Variants in RBFOX1 observed in about 807,000 individuals in gnomAD.
RBFOX1 encodes RNA binding protein fox-1 homolog 1.
RBFOX1 carries 8 observed loss-of-function variants against 57.7 expected under a neutral mutation model. The observed-to-expected ratio is 0.14, with a 90% confidence interval of 0.08 to 0.25. The LOEUF (loss-of-function observed/expected upper bound fraction) is 0.25, where lower values mean the gene tolerates loss of function less well. Among genes scored for constraint, RBFOX1 ranks in the 10% least tolerant of loss-of-function variants. The pLI is 1.00. For missense variants in RBFOX1, 611 were observed against 548.5 expected, an observed-to-expected ratio of 1.11 and a Z score of -1.14; for synonymous variants, 326 against 222.4, an observed-to-expected ratio of 1.47 and a Z score of -4.15.
At chr16:7,079,976 T>C (rs1025596781) in intron 4 of RBFOX1, among the ~76,000 whole-genome samples, 2 of 148,096 alleles carry the variant, frequency 1.4e-5, no homozygotes, top group Non-Finnish European at 3.0e-5. Flanking sequence ...GCATTTAAAT[T>C]AGTTAAAATA....
intron 2 of RBFOX1, among the ~76,000 whole-genome samples, chr16:6,433,600 A>G (rs2153010206): frequency 6.6e-6 from 1 of 152,326 alleles, no homozygotes; most frequent in Non-Finnish European, 1.5e-5. Flanking sequence ...TGAACGTATT[A>G]TCCTCGGGTT....
intron 1 of RBFOX1, among the ~76,000 whole-genome samples, chr16:5,303,207 G>A (rs559758782): frequency 7.2e-5 from 11 of 152,266 alleles, no homozygotes; most frequent in African/African-American, 2.6e-4. Context: ...ATGCCTCACT[G>A]GTTTTATTAA....
At chr16:6,954,848 G>GGGC (rs1195423440) in intron 3 of RBFOX1, among the ~76,000 whole-genome samples, 7 of 152,026 alleles carry the variant, frequency 4.6e-5, no homozygotes, top group African/African-American at 1.7e-4. Flanking sequence ...TTATAACCTT[G>GGGC]GGCAAGTTGC....
chr16:7,340,727 C>T (rs1446858752), intron 4 of RBFOX1, among the ~76,000 whole-genome samples: 1 of 152,290 alleles, frequency 6.6e-6, no homozygotes, highest in East Asian at 1.9e-4. Flanking sequence ...ATGACGTAGA[C>T]CTCCCATCAT....
chr16:6,497,154 G>A (rs2095794436), intron 2 of RBFOX1, among the ~76,000 whole-genome samples: 5 of 152,160 alleles, frequency 3.3e-5, no homozygotes, highest in African/African-American at 9.7e-5. Flanking sequence ...CTAACATGGA[G>A]TGGACTGGGA....
chr16:5,243,654 C>G (rs1596288173), intron 1 of RBFOX1, among the ~76,000 whole-genome samples: 1 of 152,078 alleles, frequency 6.6e-6, no homozygotes, highest in Admixed American at 6.6e-5. Context: ...ATGAGCAAAA[C>G]CACCCCAGTT....
intron 1 of RBFOX1, among the ~76,000 whole-genome samples, chr16:6,036,359 G>A (rs535088329): frequency 3.3e-5 from 5 of 152,158 alleles, no homozygotes; most frequent in South Asian, 2.1e-4. Flanking sequence ...CTTTTAGGTG[G>A]CATCATAGAA....
chr16:6,776,003 C>G (rs1450224743), intron 3 of RBFOX1: 3 of 152,192 alleles, frequency 2.0e-5, no homozygotes, highest in African/African-American at 4.8e-5. Flanking sequence ...CCACAAATTT[C>G]TTTCCCAGGT....
At chr16:6,165,637 G>C (rs1042388508) in intron 1 of RBFOX1, among the ~76,000 whole-genome samples, 1 of 152,206 alleles carries the variant, frequency 6.6e-6, no homozygotes, top group African/African-American at 2.4e-5. Flanking sequence ...AAACAGTTCT[G>C]CCTGCTTCGT....
At position 7,340,742 on chromosome 16, in the gene RBFOX1, A is replaced by T. The variant is rs78222803; in HGVS notation, c.28-177405A>T. Among the ~76,000 whole-genome samples, 72 of 152,326 alleles carry T rather than the reference A, an allele frequency of 4.7e-4. No individual in the cohort carries two copies. In the East Asian group the frequency reaches 0.012, roughly 26 times the overall value. ...ATGACGTAGACCTCCCATCATTCCA[A>T]AGCACTCGAAGATGCTAGTGACTTG... is the stretch of plus-strand genomic sequence containing the variant. On this transcript the variant is annotated intron_variant, in intron 4 of 15. Coordinates refer to ENST00000550418, the MANE Select transcript of RBFOX1 (RefSeq NM_018723.4).
At chr16:5,969,591 G>T (rs1351274117) in intron 4 of RBFOX1, among the ~76,000 whole-genome samples, 1 of 151,190 alleles carries the variant, frequency 6.6e-6, no homozygotes, top group African/African-American at 2.4e-5. Context: ...CACAGTGCTG[G>T]GATTACAGGT....
chr16:7,308,645 C>G (rs908142218), intron 4 of RBFOX1, among the ~76,000 whole-genome samples: 4 of 152,176 alleles, frequency 2.6e-5, no homozygotes, highest in Admixed American at 1.3e-4. Context: ...GAAGCCATTG[C>G]TCACTGTGGA....
rs545705118 is a variant in RBFOX1, at chr16:7,273,204, CCCTTCCTTCCTT to C, written c.27+221154_27+221165del. Among the ~76,000 whole-genome samples, 240 of 35,170 alleles carry C rather than the reference CCCTTCCTTCCTT, an allele frequency of 6.8e-3. 5 individuals carry two copies. Among genetic ancestry groups the C allele is most frequent in the African/African-American group, 0.022 (164 of 7,576 alleles). The allele number at this position is 35,170 out of a possible 152,430, so 23.1% of individuals were successfully genotyped here. On this transcript the variant is annotated intron_variant, in intron 4 of 15. Transcript: ENST00000550418. ...TTCCTTCCTCCCTTCCTTCCTCCCT[CCCTTCCTTCCTT>C]CCTTCCTTCCTTCCTTCCTTCCTTC...
intron 1 of RBFOX1, among the ~76,000 whole-genome samples, chr16:6,157,053 C>T (rs916764029): frequency 6.6e-6 from 1 of 151,956 alleles, no homozygotes; most frequent in Non-Finnish European, 1.5e-5. Flanking sequence ...CTAGGCTGCT[C>T]TCTCACTCCT....
At chr16:6,722,807 C>A (rs1276301648) in intron 3 of RBFOX1, among the ~76,000 whole-genome samples, 2 of 152,134 alleles carry the variant, frequency 1.3e-5, no homozygotes, top group African/African-American at 4.8e-5. Flanking sequence ...ATCTCAGCGG[C>A]CAGATGGGTA....
chr16:5,339,328 A>G (rs2151291364), intron 1 of RBFOX1, among the ~76,000 whole-genome samples: 1 of 152,164 alleles, frequency 6.6e-6, no homozygotes, highest in Non-Finnish European at 1.5e-5. Context: ...GTAACATGCT[A>G]ATTTAAACTA....
chr16:7,341,690 C>A (rs1245236009), intron 4 of RBFOX1, among the ~76,000 whole-genome samples: 1 of 151,000 alleles, frequency 6.6e-6, no homozygotes, highest in African/African-American at 2.4e-5. Context: ...GAACAATGGT[C>A]CTACCTTCCT....
intron 3 of RBFOX1, among the ~76,000 whole-genome samples, chr16:5,641,551 G>A (rs562541363): frequency 1.3e-5 from 2 of 152,220 alleles, no homozygotes; most frequent in African/African-American, 4.8e-5. Flanking sequence ...CCTAGCTCCT[G>A]AGTGAGGCTG....
chr16:5,697,037 C>G (rs530698627), intron 3 of RBFOX1, among the ~76,000 whole-genome samples: 3 of 152,138 alleles, frequency 2.0e-5, no homozygotes, highest in South Asian at 2.1e-4. Context: ...CTCAGCCTCC[C>G]GAGTAGGTGG....
Sources: gnomAD v4.1 joint callset for allele counts (sites outside exome capture counted in the v4.1 genomes callset) on GRCh38, gnomAD v4.1.1 for gene constraint, MANE v1.5 for transcripts, NCBI Gene and HGNC (gene_info 2026-07-23, HGNC 2026-07-21) for gene names.